Variants in MTA3 observed in about 807,000 individuals in gnomAD.
MTA3 encodes the protein metastasis-associated protein MTA3.
In MTA3, 34 loss-of-function variants were observed where a neutral mutation model predicts 83.5. The ratio of observed to expected loss-of-function variants is 0.41; its 90% CI spans 0.31 to 0.54. The LOEUF (loss-of-function observed/expected upper bound fraction) is 0.54. Ranked by LOEUF, MTA3 falls within the 20% of genes least tolerant of loss-of-function variation. The pLI, the probability that MTA3 is intolerant of heterozygous loss-of-function variation, is 0.33. For missense variants in MTA3, 761 were observed against 726.4 expected, an observed-to-expected ratio of 1.05 and a Z score of -0.55; for synonymous variants, 303 against 252.7, an observed-to-expected ratio of 1.20 and a Z score of -1.89.
At chr2:42,660,074 G>A (rs1002952162) in intron 8 of MTA3, among the ~76,000 whole-genome samples, 2 of 151,514 alleles carry the variant, frequency 1.3e-5, no homozygotes, top group African/African-American at 2.4e-5. Flanking sequence ...AGAAAGAGGG[G>A]CTGTTTTTTT....
At chr2:42,635,503 C>T (rs1016024820) in intron 4 of MTA3, among the ~76,000 whole-genome samples, 1 of 152,012 alleles carries the variant, frequency 6.6e-6, no homozygotes, top group Non-Finnish European at 1.5e-5. Context: ...TGGTGGGCAT[C>T]TGTAATCCCA....
rs531633353 is a variant in MTA3, at chr2:42,633,042, A to G, written c.318-7131A>G. Among the ~76,000 whole-genome samples the G allele has an allele frequency of 8.6e-5, 13 of 151,460 alleles. No individual in the cohort carries two copies. The South Asian group carries it at 1.0e-3, about 12-fold the overall frequency. On this transcript the variant is annotated intron_variant, in intron 4 of 16. Transcript: ENST00000405094. ...CACTTTGGGAGGCTGAGGTGGGCGG[A>G]TCATGAGGTCAAGAGCTCGAGACCA... is the stretch of plus-strand genomic sequence containing the variant.
chr2:42,622,207 A>G (rs927900640), intron 4 of MTA3, among the ~76,000 whole-genome samples: 2 of 152,204 alleles, frequency 1.3e-5, no homozygotes, highest in Admixed American at 1.3e-4. Flanking sequence ...GCTGGAGACC[A>G]GCCCGGCCAA....
chr2:42,514,824 A>T (rs1459639604), intron 2 of MTA3, among the ~76,000 whole-genome samples: 1 of 149,864 alleles, frequency 6.7e-6, no homozygotes, highest in Non-Finnish European at 1.5e-5. Flanking sequence ...AGTAGCTGGG[A>T]CTACAGGCAT....
At chr2:42,561,817 A>G (rs183137312) in intron 2 of MTA3, among the ~76,000 whole-genome samples, 2 of 152,158 alleles carry the variant, frequency 1.3e-5, no homozygotes, top group Admixed American at 6.5e-5. Context: ...ATCTGTGTAT[A>G]CTGTATACTG....
chr2:42,736,666 T>G (rs1323201174), intron 16 of MTA3, among the ~76,000 whole-genome samples: 1 of 151,918 alleles, frequency 6.6e-6, no homozygotes, highest in African/African-American at 2.4e-5. Context: ...TTCTTACTCT[T>G]CTCTCTCCTT....
intron 4 of MTA3, among the ~76,000 whole-genome samples, chr2:42,613,295 A>G: frequency 6.6e-6 from 1 of 152,242 alleles, no homozygotes; most frequent in East Asian, 1.9e-4. Flanking sequence ...ATTCCTTTGA[A>G]TTATGATGAA....
In MTA3 at chr2:42,537,577, T is replaced by A. The variant is rs141953603; in HGVS notation, c.-140-32860T>A. Reference sequence around the variant, plus strand: ...TGAAACTCCATCTCAAAAAAATAAATAAATAAACAAAATAAAATAAAATAG... The same window carrying A: ...TGAAACTCCATCTCAAAAAAATAAAAAAATAAACAAAATAAAATAAAATAG... On this transcript the variant is annotated intron_variant, in intron 2 of 17. Coordinates refer to the MTA3 transcript ENST00000405592. Among the ~76,000 whole-genome samples, 841 of 149,996 alleles carry A rather than the reference T, an allele frequency of 5.6e-3. 6 individuals are homozygous for A. Among genetic ancestry groups the A allele is most frequent in the Non-Finnish European group, 9.4e-3 (632 of 67,302 alleles).
intron 2 of MTA3, among the ~76,000 whole-genome samples, chr2:42,513,493 G>A (rs6709381): frequency 0.018 from 2,712 of 152,266 alleles, 60 homozygotes; most frequent in African/African-American, 0.062. Flanking sequence ...AGTGAAGAAG[G>A]AACAGACTCC....
At chr2:42,720,511 A>G (rs1422933759) in intron 15 of MTA3, among the ~76,000 whole-genome samples, 3 of 151,920 alleles carry the variant, frequency 2.0e-5, no homozygotes, top group Admixed American at 1.3e-4. Flanking sequence ...GGGGTTAAAG[A>G]GTTGTTTTGA....
At chr2:42,614,658 T>C (rs1684635262) in intron 4 of MTA3, among the ~76,000 whole-genome samples, 1 of 150,860 alleles carries the variant, frequency 6.6e-6, no homozygotes, top group Non-Finnish European at 1.5e-5. Flanking sequence ...ACTCGTGTAA[T>C]ATAGTGAATT....
At chr2:42,499,549 T>C (rs1674301466) in intron 2 of MTA3, among the ~76,000 whole-genome samples, 1 of 150,134 alleles carries the variant, frequency 6.7e-6, no homozygotes, top group South Asian at 2.1e-4. Context: ...CCCAGCACTT[T>C]CGGAGGCCGA....
intron 9 of MTA3, among the ~76,000 whole-genome samples, chr2:42,687,932 C>G (rs749984128): frequency 6.6e-6 from 1 of 152,174 alleles, no homozygotes; most frequent in African/African-American, 2.4e-5. Context: ...TGAAGAAAGC[C>G]TTAGTTTCTG....
At chr2:42,654,782 TTTTA>T (rs1297540754) in intron 6 of MTA3, among the ~76,000 whole-genome samples, 1 of 152,182 alleles carries the variant, frequency 6.6e-6, no homozygotes, top group Non-Finnish European at 1.5e-5. Context: ...ACATGGCTAA[TTTTA>T]TTTATTTTTT....
intron 4 of MTA3, among the ~76,000 whole-genome samples, chr2:42,634,008 G>A (rs1409231166): frequency 6.6e-6 from 1 of 152,178 alleles, no homozygotes; most frequent in Non-Finnish European, 1.5e-5. Context: ...AACCGGGAGT[G>A]ATATTGTATC....
chr2:42,617,489 T>C (rs923251073), intron 4 of MTA3, among the ~76,000 whole-genome samples: 4 of 152,152 alleles, frequency 2.6e-5, no homozygotes, highest in African/African-American at 9.7e-5. Context: ...TAGATAGATA[T>C]ATAATGGGAA....
rs1179828853 is a variant in MTA3, at chr2:42,661,539, T to G, written c.702+1677T>G. On this transcript the variant is annotated intron_variant, in intron 8 of 16. Transcript: ENST00000405094. ...AAAAAAAAAAAAAAAGAAAAAGATA[T>G]TTATGTGAACCAGAACTATGTGGAA... Among the ~76,000 whole-genome samples the G allele has an allele frequency of 3.4e-5, 5 of 148,730 alleles. No homozygotes were observed. The East Asian group carries it at 9.8e-4, about 29-fold the overall frequency.
At chr2:42,515,601 C>G (rs570792344) in intron 2 of MTA3, among the ~76,000 whole-genome samples, 1 of 151,946 alleles carries the variant, frequency 6.6e-6, no homozygotes, top group South Asian at 2.1e-4. Context: ...CTCCTAGGTT[C>G]AAGCGATTCT....
intron 8 of MTA3, among the ~76,000 whole-genome samples, chr2:42,678,011 G>A (rs1054167509): frequency 6.6e-6 from 1 of 152,200 alleles, no homozygotes; most frequent in African/African-American, 2.4e-5. Flanking sequence ...CAATGGAGTT[G>A]ATGTAGAAGT....
Sources: gnomAD v4.1 joint callset for allele counts (sites outside exome capture counted in the v4.1 genomes callset) on GRCh38, gnomAD v4.1.1 for gene constraint, MANE v1.5 for transcripts, NCBI Gene and HGNC (gene_info 2026-07-23, HGNC 2026-07-21) for gene names.